The following ADCY2 variants were observed in gnomAD, a reference collection of about 807,000 sequenced individuals.
The protein encoded by ADCY2 is adenylate cyclase type 2.
A neutral mutation model predicts 125.2 loss-of-function variants in ADCY2; 31 were observed. The observed-to-expected ratio is 0.25, with a 90% CI of 0.19 to 0.33. ADCY2 has a LOEUF of 0.33. Among genes scored for constraint, ADCY2 ranks in the 10% least tolerant of loss-of-function variants. The pLI is 1.00. For synonymous variants in ADCY2, 512 were observed against 548.4 expected (o/e 0.93, Z 0.93); for missense variants, 904 against 1,418.2 (o/e 0.64, Z 5.82).
chr5:7,701,485 AT>A (rs1340309663), intron 7 of ADCY2, among the ~76,000 whole-genome samples: 3 of 152,188 alleles, frequency 2.0e-5, no homozygotes, highest in Admixed American at 6.5e-5. Context: ...CCTTTGAATC[AT>A]TTTTATGTGT....
At chr5:7,450,422 C>G (rs1741430232) in intron 2 of ADCY2, among the ~76,000 whole-genome samples, 1 of 152,186 alleles carries the variant, frequency 6.6e-6, no homozygotes, top group African/African-American at 2.4e-5. Flanking sequence ...CCCTAACTCT[C>G]TTCAATTCTA....
In ADCY2 at chr5:7,598,710, G is replaced by A. The variant is rs560773504; in HGVS notation, c.571-27457G>A. 1.8e-3 allele frequency among the ~76,000 whole-genome samples: 274 copies of A among 152,232 alleles called. 1 individual carries two copies. Among genetic ancestry groups the A allele is most frequent in the African/African-American group, 6.3e-3 (261 of 41,544 alleles). ...CGATAGGATTGTGCTTCCCAGCCCC[G>A]TTGCGCTCAGGTGACTTGATTTCCA... On this transcript the variant is annotated intron_variant, in intron 3 of 24. Transcript: ENST00000338316.
chr5:7,569,471 A>G (rs1395624718), intron 3 of ADCY2, among the ~76,000 whole-genome samples: 1 of 152,156 alleles, frequency 6.6e-6, no homozygotes, highest in Non-Finnish European at 1.5e-5. Context: ...CAATGTAAGG[A>G]TATGATCCAG....
chr5:7,495,031 A>G (rs1466382291), intron 2 of ADCY2, among the ~76,000 whole-genome samples: 5 of 152,174 alleles, frequency 3.3e-5, no homozygotes, highest in Non-Finnish European at 7.3e-5. Context: ...CTCTGCTGTC[A>G]CTTTGCTTTT....
intron 3 of ADCY2, among the ~76,000 whole-genome samples, chr5:7,557,423 T>C (rs1322254382): frequency 2.0e-5 from 3 of 152,078 alleles, no homozygotes. Context: ...GTTTGTTATA[T>C]AGGTAAACTT....
intron 7 of ADCY2, among the ~76,000 whole-genome samples, chr5:7,703,207 T>C (rs1388144995): frequency 6.6e-6 from 1 of 152,258 alleles, no homozygotes; most frequent in African/African-American, 2.4e-5. Flanking sequence ...GCAGTTTCTT[T>C]TGCTGTGCAG....
At chr5:7,625,715 A>G (rs1214803897) in intron 3 of ADCY2, among the ~76,000 whole-genome samples, 1 of 152,206 alleles carries the variant, frequency 6.6e-6, no homozygotes, top group African/African-American at 2.4e-5. Flanking sequence ...GAGGTACACA[A>G]TAATAGACTG....
At chr5:7,647,915 C>T (rs16878896) in intron 4 of ADCY2, among the ~76,000 whole-genome samples, 6,922 of 152,216 alleles carry the variant, frequency 0.045, 505 homozygotes, top group African/African-American at 0.15. Context: ...AACAAATAAG[C>T]GGACCTTCTC....
chr5:7,657,282 G>A (rs138197336), intron 4 of ADCY2, among the ~76,000 whole-genome samples: 1 of 152,178 alleles, frequency 6.6e-6, no homozygotes. Flanking sequence ...GAGGAGGCAG[G>A]GTGCTGGATA....
At chr5:7,600,855 C>T (rs1314394679) in intron 3 of ADCY2, among the ~76,000 whole-genome samples, 2 of 151,980 alleles carry the variant, frequency 1.3e-5, no homozygotes, top group Non-Finnish European at 2.9e-5. Context: ...AGAGTGAAGC[C>T]AGGCCATAGG....
At chr5:7,634,143 A>G (rs899583624) in intron 4 of ADCY2, among the ~76,000 whole-genome samples, 13 of 152,176 alleles carry the variant, frequency 8.5e-5, no homozygotes, top group African/African-American at 2.9e-4. Flanking sequence ...TTTTGAACTT[A>G]CTTTCATGGG....
chr5:7,776,269 G>A (rs1198974649), intron 18 of ADCY2, among the ~76,000 whole-genome samples: 1 of 145,576 alleles, frequency 6.9e-6, no homozygotes, highest in African/African-American at 2.5e-5. Context: ...AAAGCCAGAG[G>A]TGCCTCTGAG....
At chr5:7,545,704 A>T (rs1356900844) in intron 3 of ADCY2, among the ~76,000 whole-genome samples, 1 of 152,206 alleles carries the variant, frequency 6.6e-6, no homozygotes, top group Non-Finnish European at 1.5e-5. Context: ...TCTGAAGGTC[A>T]TTCTGACAGT....
chr5:7,545,971 C>G (rs956528412), intron 3 of ADCY2, among the ~76,000 whole-genome samples: 1 of 152,156 alleles, frequency 6.6e-6, no homozygotes, highest in African/African-American at 2.4e-5. Context: ...TTTCTACTTC[C>G]TAATGATCAT....
At chr5:7,732,151 T>C (rs1742123313) in intron 14 of ADCY2, among the ~76,000 whole-genome samples, 1 of 152,218 alleles carries the variant, frequency 6.6e-6, no homozygotes, top group African/African-American at 2.4e-5. Context: ...TTTTATTAAA[T>C]CCTTAGACTA....
intron 4 of ADCY2, among the ~76,000 whole-genome samples, chr5:7,677,085 T>A (rs1473523498): frequency 6.6e-6 from 1 of 152,028 alleles, no homozygotes; most frequent in African/African-American, 2.4e-5. Flanking sequence ...GAGACCAGAC[T>A]GGCCAACATG....
intron 4 of ADCY2, among the ~76,000 whole-genome samples, chr5:7,681,947 A>AAACTGCTT (rs1348657853): frequency 1.3e-5 from 2 of 152,218 alleles, no homozygotes; most frequent in Non-Finnish European, 2.9e-5. Context: ...AAAGTTTAGC[A>AAACTGCTT]AACTGCTTAA....
chr5:7,455,226 G>A (rs886607409), intron 2 of ADCY2, among the ~76,000 whole-genome samples: 1 of 152,196 alleles, frequency 6.6e-6, no homozygotes. Context: ...AGGCACCACA[G>A]TTAGACTTAC....
At chr5:7,532,178 G>A (rs1267127344) in intron 3 of ADCY2, among the ~76,000 whole-genome samples, 1 of 152,224 alleles carries the variant, frequency 6.6e-6, no homozygotes, top group Non-Finnish European at 1.5e-5. Flanking sequence ...CAGAGAAAGT[G>A]TTCTTGCCGG....
Sources: gnomAD v4.1 joint callset for allele counts (sites outside exome capture counted in the v4.1 genomes callset) on GRCh38, gnomAD v4.1.1 for gene constraint, MANE v1.5 for transcripts, NCBI Gene and HGNC (gene_info 2026-07-23, HGNC 2026-07-21) for gene names.